TBC1D4: variants seen among roughly 807,000 people sequenced by gnomAD.
TBC1D4 encodes TBC (Tre-2, BUB2, CDC16) domain-containing protein.
Under a neutral mutation model 142.5 loss-of-function variants are expected in TBC1D4, and 121 were observed. The observed-to-expected ratio is 0.85, with a 90% CI of 0.73 to 0.99. The LOEUF (loss-of-function observed/expected upper bound fraction) is 0.99, where lower values mean the gene tolerates loss of function less well. TBC1D4 is among the 50% of genes least tolerant of loss of function. The pLI, the probability that TBC1D4 is intolerant of heterozygous loss-of-function variation, is 0.00. For synonymous variants in TBC1D4, 630 were observed against 628.2 expected (o/e 1.00, Z -0.04); for missense variants, 1,475 against 1,606.6 (o/e 0.92, Z 1.40).
intron 1 of TBC1D4, among the ~76,000 whole-genome samples, chr13:75,391,476 T>C (rs1490524380): frequency 6.6e-6 from 1 of 152,196 alleles, no homozygotes; most frequent in Non-Finnish European, 1.5e-5. Context: ...CCCTATCATA[T>C]TAGACCCATG....
intron 1 of TBC1D4, among the ~76,000 whole-genome samples, chr13:75,415,725 T>C (rs1885888936): frequency 6.6e-6 from 1 of 152,242 alleles, no homozygotes; most frequent in African/African-American, 2.4e-5. Flanking sequence ...GGGTGAGCTG[T>C]ATTTAAGGGA....
intron 11 of TBC1D4, among the ~76,000 whole-genome samples, chr13:75,323,683 C>T (rs1281141895): frequency 6.6e-6 from 1 of 152,050 alleles, no homozygotes; most frequent in Non-Finnish European, 1.5e-5. Flanking sequence ...CTCATGCTAT[C>T]TAAGAGTTGC....
chr13:75,329,434 T>TTC (rs143605314), intron 8 of TBC1D4, among the ~76,000 whole-genome samples: 24 of 143,892 alleles, frequency 1.7e-4, no homozygotes, highest in Non-Finnish European at 3.2e-4. Context: ...CTCTCTCTCT[T>TTC]TCTCTCTCTC....
At chr13:75,292,362 GT>G in intron 18 of TBC1D4, 91 bp from the exon 19 acceptor site, 1 of 1,150,998 alleles carries the variant, frequency 8.7e-7, no homozygotes, top group Non-Finnish European at 1.2e-6. Context: ...TTGTTTACTT[GT>G]TTTATGTATT....
intron 14 of TBC1D4, among the ~76,000 whole-genome samples, chr13:75,308,049 G>A (rs983623312): frequency 1.3e-5 from 2 of 152,102 alleles, no homozygotes; most frequent in South Asian, 2.1e-4. Flanking sequence ...TGTGCCAGCC[G>A]CACACCCTGA....
intron 1 of TBC1D4, among the ~76,000 whole-genome samples, chr13:75,410,359 A>G (rs780845809): frequency 7.9e-5 from 12 of 152,154 alleles, no homozygotes; most frequent in South Asian, 2.1e-4. Flanking sequence ...CAAACGCCAG[A>G]ACAGTGCTTC....
At chr13:75,410,108 A>G (rs543674482) in intron 1 of TBC1D4, among the ~76,000 whole-genome samples, 2 of 152,374 alleles carry the variant, frequency 1.3e-5, no homozygotes, top group Middle Eastern at 3.4e-3. Context: ...GGTTTAAATA[A>G]GCTAATGTAC....
intron 2 of TBC1D4, among the ~76,000 whole-genome samples, chr13:75,360,981 A>T (rs1452540176): frequency 6.6e-6 from 1 of 152,206 alleles, no homozygotes. Flanking sequence ...AGGTTTAAAA[A>T]AGACAGTCAC....
chr13:75,384,245 G>A lies in TBC1D4; in HGVS notation c.499-21638C>T, dbSNP rs138012751. Among the ~76,000 whole-genome samples, 1,002 of 152,260 alleles carry A rather than the reference G, an allele frequency of 6.6e-3. 8 individuals are homozygous for A. Among genetic ancestry groups the A allele is most frequent in the African/African-American group, 0.022 (911 of 41,544 alleles). On this transcript the variant is annotated intron_variant, in intron 1 of 20. Transcript: ENST00000377636. Reference sequence around the variant, plus strand: ...GAGATCAGGAGTTCAGGGCCAGCCCGGCCAACATGGTGAAATCCCGTCTCT... The same window carrying A: ...GAGATCAGGAGTTCAGGGCCAGCCCAGCCAACATGGTGAAATCCCGTCTCT...
At chr13:75,301,229 T>G (rs1420151207) in intron 16 of TBC1D4, among the ~76,000 whole-genome samples, 2 of 152,126 alleles carry the variant, frequency 1.3e-5, no homozygotes, top group Admixed American at 6.5e-5. Context: ...ATATAATATT[T>G]AATCTAATAA....
intron 20 of TBC1D4, among the ~76,000 whole-genome samples, chr13:75,287,859 G>T (rs477168): frequency 0.3 from 45,547 of 151,740 alleles, 8,005 homozygotes; most frequent in African/African-American, 0.48. Flanking sequence ...GCCAGGTGCA[G>T]TGTTGGGGAA....
intron 1 of TBC1D4, among the ~76,000 whole-genome samples, chr13:75,455,990 T>TATATAAATA (rs1887719865): frequency 6.6e-6 from 1 of 151,856 alleles, no homozygotes; most frequent in Non-Finnish European, 1.5e-5. Flanking sequence ...AATCTGCTAC[T>TATATAAATA]CATATAGGCT....
chr13:75,299,568 G>A lies in TBC1D4; in HGVS notation c.2918C>T (p.Thr973Met), dbSNP rs777125334. 4.3e-5 allele frequency: 69 copies of A among 1,613,944 alleles called. 1 individual carries two copies. Among genetic ancestry groups the A allele is most frequent in the Non-Finnish European group, 5.5e-5 (65 of 1,180,006 alleles). Reference protein sequence around the residue: ...QHAILVDLGRTFPTHPYFSVQ... With the variant: ...QHAILVDLGRMFPTHPYFSVQ... ...TGAAAAGTAAGGGTGAGTAGGAAACGTCCTTCCTGCAGAGGAAAAGAAGGA... is the reference window on the plus strand; with the variant it reads ...TGAAAAGTAAGGGTGAGTAGGAAACATCCTTCCTGCAGAGGAAAAGAAGGA... Residue 973 changes from threonine to methionine, a missense_variant, in exon 17 of 21, where the codon ACG (threonine) becomes ATG (methionine). Thr to Met is a moderately conservative substitution (Grantham distance 81, BLOSUM62 -1). This residue lies in a region of TBC1D4 where 1,227 missense variants were observed against 1,267.7 expected (regional missense o/e 0.97). Transcript: ENST00000377636.
chr13:75,307,309 T>G (rs1421970880), intron 14 of TBC1D4, among the ~76,000 whole-genome samples: 1 of 152,212 alleles, frequency 6.6e-6, no homozygotes, highest in African/African-American at 2.4e-5. Flanking sequence ...TTCCTTTCAC[T>G]GAAGTTAACA....
Position 75,354,128 on chromosome 13 carries a change from C to T in TBC1D4, c.1275+2019G>A, listed in dbSNP as rs922882807. On this transcript the variant is annotated intron_variant, in intron 4 of 20. Coordinates refer to ENST00000377636, the MANE Select transcript of TBC1D4 (RefSeq NM_014832.5). ...CCCAGAGAAGAGCTTGTAAGACGAA[C>T]GACATATGTGAAGAAGGTCATGAAA... Among the ~76,000 whole-genome samples, 8 of 152,266 alleles carry T rather than the reference C, an allele frequency of 5.3e-5. No homozygotes were observed. The South Asian group carries it at 6.2e-4, about 12-fold the overall frequency.
chr13:75,446,636 T>C (rs1168416564), intron 1 of TBC1D4, among the ~76,000 whole-genome samples: 3 of 152,172 alleles, frequency 2.0e-5, no homozygotes, highest in Non-Finnish European at 4.4e-5. Flanking sequence ...GTGGAAACAG[T>C]TTTTCTTGAC....
At chr13:75,481,196 C>CCCCCCCCCA in intron 1 of TBC1D4, 74 bp downstream of exon 1, 3 of 1,135,090 alleles carry the variant, frequency 2.6e-6, no homozygotes, top group South Asian at 1.3e-5. Context: ...AAAGTGGGGT[C>CCCCCCCCCA]CCCGCCCCTC....
chr13:75,324,460 C>A lies in TBC1D4; in HGVS notation c.2034-59G>T, dbSNP rs2297210. 0.6 allele frequency: 957,232 copies of A among 1,587,562 alleles called. 294,713 individuals are homozygous for A. The highest frequency in any genetic ancestry group is 0.83 in the South Asian group (73,289 of 88,724). ...TTTATATTTTGACAAAATCTTCATT[C>A]ACTATGAAAAAGCATATAAACAGGT... On this transcript the variant is annotated intron_variant, in intron 10 of 20. Transcript: ENST00000377636.
At position 75,481,869 on chromosome 13, in the gene TBC1D4, GGC is replaced by G; in HGVS notation, c.-104_-103del. 2 of 1,365,090 alleles carry G rather than the reference GGC, an allele frequency of 1.5e-6. No homozygotes were observed. Among genetic ancestry groups the G allele is most frequent in the South Asian group, 1.8e-5 (1 of 56,044 alleles). The allele number at this position is 1,365,090 out of a possible 1,614,324, so 84.6% of individuals were successfully genotyped here. A position where few individuals can be genotyped will look rare whatever the true frequency, so the allele number is the denominator to read the frequency against. ...CGAAACTGTGCCAACTGCCGCACCGGGCTCCCGCGCCTGCCTGGGAGCGGCGC... is the reference window on the plus strand; with the variant it reads ...CGAAACTGTGCCAACTGCCGCACCGGTCCCGCGCCTGCCTGGGAGCGGCGC... On this transcript the variant is annotated 5_prime_UTR_variant, in exon 1 of 21. Transcript: ENST00000377636.
Sources: allele counts gnomAD v4.1 joint callset (sites outside exome capture counted in the v4.1 genomes callset), GRCh38; gene constraint gnomAD v4.1.1; regional missense constraint gnomAD v4.1.1; transcripts MANE v1.5; gene names NCBI Gene and HGNC (gene_info 2026-07-23, HGNC 2026-07-21).